The following TOP1 variants were observed in gnomAD, a reference collection of about 807,000 sequenced individuals.
TOP1 encodes DNA topoisomerase 1.
A neutral mutation model predicts 111.1 loss-of-function variants in TOP1; 10 were observed. The ratio of observed to expected loss-of-function variants is 0.09; its 90% CI spans 0.06 to 0.15. The LOEUF is 0.15. TOP1 is among the 10% of genes least tolerant of loss of function. The probability of loss-of-function intolerance (pLI) is 1.00; values close to 1 mark genes in which losing one functional copy is unlikely to be tolerated. For synonymous variants in TOP1, 271 were observed against 302.9 expected, an observed-to-expected ratio of 0.89 and a Z score of 1.10; for missense variants, 474 against 926.7, an observed-to-expected ratio of 0.51 and a Z score of 6.34.
intron 13 of TOP1, among the ~76,000 whole-genome samples, chr20:41,107,475 T>C (rs2145958819): frequency 6.6e-6 from 1 of 152,340 alleles, no homozygotes; most frequent in South Asian, 2.1e-4. Context: ...AATTCACTAA[T>C]TCTAATTATA....
At position 41,029,004 on chromosome 20, in the gene TOP1, G is replaced by C. The variant is rs1351659997; in HGVS notation, c.-64G>C. ...AGTCCCCGTCCGCCCGCACAGGCCG[G>C]TTCGCCGTCTGCGTCTCCCCCACGC... On this transcript the variant is annotated 5_prime_UTR_variant, in exon 1 of 21. Coordinates refer to ENST00000361337, the MANE Select transcript of TOP1 (RefSeq NM_003286.4). This position sits in a 1 kb window ranked among gnomAD's most constrained non-coding sequence, Gnocchi z 6.1. 2 of 1,469,616 alleles carry C rather than the reference G, an allele frequency of 1.4e-6. No individual in the cohort carries two copies. The highest frequency in any genetic ancestry group is 2.9e-5 in the African/African-American group (2 of 69,430). The allele number at this position is 1,469,616 out of a possible 1,614,324, so 91.0% of individuals were successfully genotyped here.
chr20:41,097,148 C>A lies in TOP1; in HGVS notation c.731-72C>A, dbSNP rs761869498. On this transcript the variant is annotated intron_variant, in intron 9 of 20. Transcript: ENST00000361337. This position sits in a 1 kb window ranked among gnomAD's most constrained non-coding sequence, Gnocchi z 4.2. ...AGGCAAACCATTATTAAAGAGAATT[C>A]GCTAGCCCTGGGTATTTATGCTTAG... 2 of 1,538,922 alleles carry A rather than the reference C, an allele frequency of 1.3e-6. No homozygotes were observed. Among genetic ancestry groups the A allele is most frequent in the African/African-American group, 2.8e-5 (2 of 72,194 alleles).
chr20:41,048,091 TTA>T (rs2033355918), intron 2 of TOP1, among the ~76,000 whole-genome samples: 1 of 138,682 alleles, frequency 7.2e-6, no homozygotes, highest in Non-Finnish European at 1.6e-5. Flanking sequence ...AGGCTATAAA[TTA>T]AAAAAAAAAA....
Position 41,123,098 on chromosome 20 carries a change from G to C in TOP1, c.2196-97G>C. The C allele has an allele frequency of 1.3e-6, 1 of 769,568 alleles. No homozygotes were observed. Among genetic ancestry groups the C allele is most frequent in the South Asian group, 1.6e-5 (1 of 62,874 alleles). 47.7% of individuals were successfully genotyped at this position (769,568 alleles called of 1,614,324 possible). On this transcript the variant is annotated intron_variant, in intron 20 of 20. Transcript: ENST00000361337. This position sits in a 1 kb window ranked among gnomAD's most constrained non-coding sequence, Gnocchi z 5.8. ...TATTAATTTGCATCCTCACTAGACA[G>C]ATGTGAAAGAGAAGATGGAACATCT...
At chr20:41,062,938 A>AT (rs912477434) in intron 3 of TOP1, among the ~76,000 whole-genome samples, 6 of 151,878 alleles carry the variant, frequency 4.0e-5, no homozygotes, top group African/African-American at 1.2e-4. Flanking sequence ...TCCGCTTTTA[A>AT]TTTTTTTCAG....
chr20:41,056,642 T>C (rs2033475095), intron 2 of TOP1, among the ~76,000 whole-genome samples: 1 of 152,136 alleles, frequency 6.6e-6, no homozygotes, highest in East Asian at 1.9e-4. Context: ...AGATGCCCAA[T>C]TAATTTTTTA....
In TOP1 at chr20:41,077,612, A is replaced by G. The variant is rs777598857; in HGVS notation, c.310A>G (p.Lys104Glu). 10 of 1,614,018 alleles carry G rather than the reference A, an allele frequency of 6.2e-6. No individual in the cohort carries two copies. In the African/African-American group the frequency reaches 1.1e-4, roughly 17 times the overall value. Residue 104 changes from lysine (K) to glutamate (E), a missense_variant, in exon 5 of 21, where the codon AAG becomes GAG. Transcript: ENST00000361337. ...VRASGDAKIK[K>E]EKENGFSSPP... ...AGCCTCTGGGGATGCAAAAATAAAGAAGGAGAAGGAAAATGGCTTCTCTAG... is the reference window on the plus strand; with the variant it reads ...AGCCTCTGGGGATGCAAAAATAAAGGAGGAGAAGGAAAATGGCTTCTCTAG...
intron 14 of TOP1, among the ~76,000 whole-genome samples, 173 bp downstream of exon 14, chr20:41,113,098 T>A (rs1479810055): frequency 1.4e-4 from 21 of 152,248 alleles, no homozygotes; most frequent in Admixed American, 2.6e-4. Flanking sequence ...CTGTGAGCAG[T>A]AGATTCTGAT....
intron 3 of TOP1, among the ~76,000 whole-genome samples, chr20:41,066,777 A>G (rs914779812): frequency 6.6e-6 from 1 of 152,004 alleles, no homozygotes; most frequent in East Asian, 1.9e-4. Flanking sequence ...GATGGTCTCA[A>G]TCTCCTGACC....
chr20:41,081,760 A>G lies in TOP1; in HGVS notation c.507+520A>G, dbSNP rs1307805975. ...TCTCTTCATCTTGTGCCTCTTCTCT[A>G]GCTTACTTGTACCAGTCACACTAGC... is the stretch of plus-strand genomic sequence containing the variant. On this transcript the variant is annotated intron_variant, in intron 7 of 20. Transcript: ENST00000361337. Among the ~76,000 whole-genome samples the G allele has an allele frequency of 3.3e-5, 5 of 152,008 alleles. 1 individual carries two copies. Among genetic ancestry groups the G allele is most frequent in the African/African-American group, 1.2e-4 (5 of 41,358 alleles).
At position 41,098,419 on chromosome 20, in the gene TOP1, C is replaced by A; in HGVS notation, c.975+82C>A. ...AACTTTCTTCTTGGTTCTTATGACACAACATTAACATCAGTAATTTCACAT... is the reference window on the plus strand; with the variant it reads ...AACTTTCTTCTTGGTTCTTATGACAAAACATTAACATCAGTAATTTCACAT... On this transcript the variant is annotated intron_variant, in intron 11 of 20. Coordinates refer to ENST00000361337, the MANE Select transcript of TOP1 (RefSeq NM_003286.4). This position sits in a 1 kb window ranked among gnomAD's most constrained non-coding sequence, Gnocchi z 5.7. The A allele has an allele frequency of 7.2e-7, 1 of 1,387,312 alleles. No homozygotes were observed. The highest frequency in any genetic ancestry group is 1.0e-6 in the Non-Finnish European group (1 of 1,000,778). The allele number at this position is 1,387,312 out of a possible 1,614,324, so 85.9% of individuals were successfully genotyped here. A position where few individuals can be genotyped will look rare whatever the true frequency, so the allele number is the denominator to read the frequency against.
In TOP1 at chr20:41,092,603, GTTC is replaced by G. The variant is rs1429658431; in HGVS notation, c.730+19_730+21del. 1 of 1,314,752 alleles carries G rather than the reference GTTC, an allele frequency of 7.6e-7. No homozygotes were observed. The highest frequency in any genetic ancestry group is 1.5e-5 in the African/African-American group (1 of 67,442). 81.4% of individuals were successfully genotyped at this position (1,314,752 alleles called of 1,614,324 possible). A position where few individuals can be genotyped will look rare whatever the true frequency, so the allele number is the denominator to read the frequency against. ...TATTATGATGGTGAGTTGTTTCAAG[GTTC>G]TTGATTCTTGGCCAGGAAAAGAAAT... On this transcript the variant is annotated intron_variant, in intron 9 of 20. Coordinates refer to ENST00000361337, the MANE Select transcript of TOP1 (RefSeq NM_003286.4). The surrounding 1 kb of genome is among the most constrained non-coding windows in gnomAD (Gnocchi z 4.3).
chr20:41,093,421 CTCT>C (rs1323799960), intron 9 of TOP1, among the ~76,000 whole-genome samples: 3 of 152,180 alleles, frequency 2.0e-5, no homozygotes, highest in South Asian at 2.1e-4. Context: ...CCCACCGTCC[CTCT>C]TCTTCTTTCC....
rs753708720 is a variant in TOP1 at position 41,098,279 on chromosome 20, G to C, written c.917G>C (p.Ser306Thr). ...NLSKCDFTQM[S>T]QYFKAQTEAR... is the part of the protein sequence containing the mutation. Reference sequence around the variant, plus strand: ...AGCAAATGTGATTTTACCCAGATGAGCCAGTATTTCAAAGCCCAGACGGAA... The same window carrying C: ...AGCAAATGTGATTTTACCCAGATGACCCAGTATTTCAAAGCCCAGACGGAA... The change falls in exon 11 of 21, where the codon AGC (serine) becomes ACC (threonine). Residue 306 changes from serine to threonine, a missense_variant. Physicochemically the swap from Ser to Thr is moderately conservative, Grantham distance 58. Coordinates refer to ENST00000361337, the MANE Select transcript of TOP1 (RefSeq NM_003286.4). This position sits in a 1 kb window ranked among gnomAD's most constrained non-coding sequence, Gnocchi z 5.7. The C allele has an allele frequency of 4.3e-6, 7 of 1,613,804 alleles. No homozygotes were observed. The highest frequency in any genetic ancestry group is 1.3e-5 in the African/African-American group (1 of 74,886).
chr20:41,057,700 T>C (rs1417562495), intron 2 of TOP1, among the ~76,000 whole-genome samples: 2 of 152,226 alleles, frequency 1.3e-5, no homozygotes, highest in Admixed American at 6.5e-5. Flanking sequence ...CTTCTTCATA[T>C]GTATTTATGC....
Position 41,112,931 on chromosome 20 carries a change from A to G in TOP1, c.1452+6A>G. On this transcript the variant is annotated splice_donor_region_variant and intron_variant, in intron 14 of 20. Transcript: ENST00000361337. This position sits in a 1 kb window ranked among gnomAD's most constrained non-coding sequence, Gnocchi z 5.8. ...CCCTGTACTTCATCGACAAGGTGAG[A>G]GCATCTTCCCATCGGCATTGTCTAG... 1 of 1,613,648 alleles carries G rather than the reference A, an allele frequency of 6.2e-7. No individual in the cohort carries two copies. The highest frequency in any genetic ancestry group is 8.5e-7 in the Non-Finnish European group (1 of 1,179,706).
rs190123965 is a variant in TOP1, at chr20:41,047,683, T to A, written c.59-13711T>A. On this transcript the variant is annotated intron_variant, in intron 2 of 20. Transcript: ENST00000361337. ...TAGTTTTTGTGCTACTGTGGCAGAATTGAATACTTGCAGTGGAACTTGAAT... is the reference window on the plus strand; with the variant it reads ...TAGTTTTTGTGCTACTGTGGCAGAAATGAATACTTGCAGTGGAACTTGAAT... Among the ~76,000 whole-genome samples the A allele has an allele frequency of 5.3e-4, 80 of 152,366 alleles. 1 individual carries two copies. Among genetic ancestry groups the A allele is most frequent in the Middle Eastern group, 3.4e-3 (1 of 294 alleles).
In TOP1 at chr20:41,029,178, A is replaced by AGCCCCG; in HGVS notation, c.33+83_33+88dup. On this transcript the variant is annotated intron_variant, in intron 1 of 20. Coordinates refer to ENST00000361337, the MANE Select transcript of TOP1 (RefSeq NM_003286.4). This position sits in a 1 kb window ranked among gnomAD's most constrained non-coding sequence, Gnocchi z 6.1. ...GACCCCCGGCGCAGGCCCCGACCCC[A>AGCCCCG]GCCCCGGCCCGGCAGCTTTGACAGG... 8.6e-7 allele frequency: 1 copy of AGCCCCG among 1,167,324 alleles called. No individual in the cohort carries two copies. Among genetic ancestry groups the AGCCCCG allele is most frequent in the Non-Finnish European group, 1.1e-6 (1 of 887,438 alleles). 72.3% of individuals were successfully genotyped at this position (1,167,324 alleles called of 1,614,324 possible). A position where few individuals can be genotyped will look rare whatever the true frequency, so the allele number is the denominator to read the frequency against.
In TOP1 at chr20:41,100,348, T is replaced by TA. The variant is rs201383674; in HGVS notation, c.1163+106dup. 4.5e-4 allele frequency: 421 copies of TA among 931,590 alleles called. 2 individuals carry two copies. The African/African-American group carries it at 6.3e-3, about 14-fold the overall frequency. 57.7% of individuals were successfully genotyped at this position (931,590 alleles called of 1,614,324 possible). On this transcript the variant is annotated intron_variant, in intron 12 of 20. Coordinates refer to ENST00000361337, the MANE Select transcript of TOP1 (RefSeq NM_003286.4). The surrounding 1 kb of genome is among the most constrained non-coding windows in gnomAD (Gnocchi z 4.4). ...ACACAGGACTGTTTGGGAAGGGAGA[T>TA]ACTTAAGAGCAGGACAGTATTTCAT...
Sources: allele counts gnomAD v4.1 joint callset (sites outside exome capture counted in the v4.1 genomes callset), GRCh38; gene constraint gnomAD v4.1.1; non-coding constraint Gnocchi (gnomAD v3.1); transcripts MANE v1.5; gene names NCBI Gene and HGNC (gene_info 2026-07-23, HGNC 2026-07-21).